CDKN2B-AS1: variants seen among roughly 807,000 people sequenced by gnomAD.
CDKN2B-AS1 encodes the protein CDKN2B antisense RNA 1 (non-protein coding).
intron 4 of CDKN2B-AS1, among the ~76,000 whole-genome samples, chr9:22,061,780 G>A (rs374547255): frequency 1.3e-5 from 2 of 152,168 alleles, no homozygotes; most frequent in African/African-American, 4.8e-5. Flanking sequence ...TTTACAAAAG[G>A]GGGGAGGGAA....
At chr9:22,109,823 T>G (rs1159482471) in intron 4 of CDKN2B-AS1, among the ~76,000 whole-genome samples, 2 of 152,166 alleles carry the variant, frequency 1.3e-5, no homozygotes, top group African/African-American at 4.8e-5. Context: ...TATGGTCCCT[T>G]TGAAGGGAGC....
chr9:22,094,746 C>T (rs1319325172), intron 4 of CDKN2B-AS1, among the ~76,000 whole-genome samples: 1 of 143,730 alleles, frequency 7.0e-6, no homozygotes, highest in Non-Finnish European at 1.5e-5. Context: ...AACTTCTTTG[C>T]CATGGGTTCG....
chr9:22,056,371 A>G (rs1178582617), exon 4 of CDKN2B-AS1: 2 of 151,798 alleles, frequency 1.3e-5, no homozygotes, highest in Admixed American at 6.6e-5. Context: ...CCCGGCGGAT[A>G]GAGAGAATTT....
intron 1 of CDKN2B-AS1, among the ~76,000 whole-genome samples, chr9:22,025,584 G>C (rs1463249686): frequency 6.6e-6 from 1 of 152,176 alleles, no homozygotes; most frequent in African/African-American, 2.4e-5. Context: ...CCATAGGGCT[G>C]CTGTAGTATG....
intron 4 of CDKN2B-AS1, among the ~76,000 whole-genome samples, chr9:22,061,266 C>A (rs1823808072): frequency 6.6e-6 from 1 of 152,120 alleles, no homozygotes; most frequent in African/African-American, 2.4e-5. Context: ...CTGAGAACAA[C>A]AATCCAGGAA....
At chr9:22,045,997 G>C (rs1390379430) in intron 1 of CDKN2B-AS1, among the ~76,000 whole-genome samples, 1 of 152,034 alleles carries the variant, frequency 6.6e-6, no homozygotes, top group East Asian at 1.9e-4. Flanking sequence ...AATTTTGTTT[G>C]CACTGGACTT....
At chr9:22,045,876 T>C (rs1409625388) in intron 1 of CDKN2B-AS1, among the ~76,000 whole-genome samples, 1 of 152,130 alleles carries the variant, frequency 6.6e-6, no homozygotes, top group Non-Finnish European at 1.5e-5. Flanking sequence ...GAAGGTGTAT[T>C]TATTAAACAA....
chr9:22,068,964 C>T (rs953026613), intron 4 of CDKN2B-AS1, among the ~76,000 whole-genome samples: 5 of 152,272 alleles, frequency 3.3e-5, no homozygotes, highest in East Asian at 1.9e-4. Context: ...TTTGGGGACT[C>T]GTCCTTCCTG....
At chr9:22,073,917 G>A (rs894642940) in intron 4 of CDKN2B-AS1, among the ~76,000 whole-genome samples, 2 of 151,450 alleles carry the variant, frequency 1.3e-5, no homozygotes, top group Non-Finnish European at 2.9e-5. Flanking sequence ...AGGCTGGAGA[G>A]CAGTGTTATG....
At position 22,094,761 on chromosome 9, in the gene CDKN2B-AS1, T is replaced by C. The variant is rs1344820675; in HGVS notation, n.439-32342T>C. ...AACTTCTTTGCCATGGGTTCGAACT[T>C]CCTCCTTTAGCTTGGAGTAGTTTGA... On this transcript the variant is annotated intron_variant and non_coding_transcript_variant, in intron 4 of 4. Transcript: ENST00000650946. Among the ~76,000 whole-genome samples, 2 of 144,004 alleles carry C rather than the reference T, an allele frequency of 1.4e-5. 1 individual carries two copies. Among genetic ancestry groups the C allele is most frequent in the African/African-American group, 5.8e-5 (2 of 34,324 alleles). The allele number at this position is 144,004 out of a possible 152,430, so 94.5% of individuals were successfully genotyped here. A position where few individuals can be genotyped will look rare whatever the true frequency, so the allele number is the denominator to read the frequency against.
chr9:22,040,181 A>G (rs1822843658), intron 1 of CDKN2B-AS1, among the ~76,000 whole-genome samples: 1 of 152,030 alleles, frequency 6.6e-6, no homozygotes, highest in Admixed American at 6.6e-5. Flanking sequence ...CAGCAGTCCT[A>G]GCCGACTAAC....
At chr9:22,119,067 C>A (rs1388183045) in intron 4 of CDKN2B-AS1, 1 of 152,078 alleles carries the variant, frequency 6.6e-6, no homozygotes, top group Non-Finnish European at 1.5e-5. Flanking sequence ...TTTGTTTTTG[C>A]TCTGTTACAT....
At position 22,094,973 on chromosome 9, in the gene CDKN2B-AS1, C is replaced by T. The variant is rs1418188011; in HGVS notation, n.439-32130C>T. ...TACCTTTGGTGTTTGATGATGGTGA[C>T]GTACAGATGGGGTTTTGGTGTGGAT... On this transcript the variant is annotated intron_variant and non_coding_transcript_variant, in intron 4 of 4. Coordinates refer to ENST00000650946, the Ensembl canonical transcript of CDKN2B-AS1. Among the ~76,000 whole-genome samples the T allele has an allele frequency of 3.5e-5, 5 of 144,414 alleles. 1 individual carries two copies. Among genetic ancestry groups the T allele is most frequent in the East Asian group, 3.9e-4 (2 of 5,084 alleles). The allele number at this position is 144,414 out of a possible 152,430, so 94.7% of individuals were successfully genotyped here. A position where few individuals can be genotyped will look rare whatever the true frequency, so the allele number is the denominator to read the frequency against.
At chr9:22,036,069 C>T (rs1303044238) in intron 1 of CDKN2B-AS1, among the ~76,000 whole-genome samples, 5 of 152,054 alleles carry the variant, frequency 3.3e-5, no homozygotes, top group Non-Finnish European at 7.4e-5. Flanking sequence ...TTTCACCTTT[C>T]TTTTTCTCTC....
At chr9:22,034,216 A>G (rs185913306) in intron 1 of CDKN2B-AS1, among the ~76,000 whole-genome samples, 1 of 152,210 alleles carries the variant, frequency 6.6e-6, no homozygotes, top group Admixed American at 6.5e-5. Context: ...TTAAAATTCT[A>G]TTATTCTGGT....
intron 4 of CDKN2B-AS1, among the ~76,000 whole-genome samples, chr9:22,106,997 G>C (rs542929332): frequency 3.7e-4 from 56 of 152,272 alleles, no homozygotes; most frequent in African/African-American, 1.3e-3. Context: ...ACTGTACTAG[G>C]ATAGTCTGCA....
At position 22,006,004 on chromosome 9, in the gene CDKN2B-AS1, T is replaced by TG; in HGVS notation, n.29+10844dup. On this transcript the variant is annotated intron_variant and non_coding_transcript_variant, in intron 1 of 4. Transcript: ENST00000650946. This position sits in a 1 kb window ranked among gnomAD's most constrained non-coding sequence, Gnocchi z 6.4. ...ACCTGGCGTCAGTCCCCCGTGGCTG[T>TG]GCGCAGGTACCCTGCAACGTCGCGG... 2 of 1,603,102 alleles carry TG rather than the reference T, an allele frequency of 1.2e-6. No individual in the cohort carries two copies. The highest frequency in any genetic ancestry group is 1.7e-6 in the Non-Finnish European group (2 of 1,179,784).
chr9:22,085,465 AT>A (rs1264134883), intron 4 of CDKN2B-AS1, among the ~76,000 whole-genome samples: 3 of 152,094 alleles, frequency 2.0e-5, no homozygotes, highest in Non-Finnish European at 2.9e-5. Context: ...CACGCCTGTA[AT>A]TCCCAGCACT....
At chr9:22,063,208 A>G (rs1823896775) in intron 4 of CDKN2B-AS1, among the ~76,000 whole-genome samples, 1 of 152,166 alleles carries the variant, frequency 6.6e-6, no homozygotes, top group Non-Finnish European at 1.5e-5. Context: ...AAGATGAGAC[A>G]AGAAGAAAGC....
Sources: gnomAD v4.1 joint callset for allele counts (sites outside exome capture counted in the v4.1 genomes callset) on GRCh38, gnomAD v4.1.1 for gene constraint, Gnocchi (gnomAD v3.1) non-coding constraint, MANE v1.5 for transcripts, NCBI Gene and HGNC (gene_info 2026-07-23, HGNC 2026-07-21) for gene names.